DPP10: variants seen among roughly 807,000 people sequenced by gnomAD.
The protein encoded by DPP10 is inactive dipeptidyl peptidase 10.
A neutral mutation model predicts 120.9 loss-of-function variants in DPP10; 33 were observed. That is an observed-to-expected ratio of 0.27 (90% CI 0.21 to 0.37). The LOEUF is 0.37. Ranked by LOEUF, DPP10 falls within the 10% of genes least tolerant of loss-of-function variation. The pLI is 1.00. For missense variants in DPP10, 816 were observed against 942.8 expected, an observed-to-expected ratio of 0.87 and a Z score of 1.76; for synonymous variants, 337 against 326.1, an observed-to-expected ratio of 1.03 and a Z score of -0.36.
chr2:115,497,677 A>G (rs1474510063), intron 3 of DPP10, among the ~76,000 whole-genome samples: 1 of 152,070 alleles, frequency 6.6e-6, no homozygotes, highest in South Asian at 2.1e-4. Flanking sequence ...AAAAATTCAT[A>G]GAGGGAATAG....
chr2:114,801,015 G>A (rs1156316231), intron 1 of DPP10, among the ~76,000 whole-genome samples: 1 of 151,922 alleles, frequency 6.6e-6, no homozygotes, highest in African/African-American at 2.4e-5. Context: ...TGTAATCCCA[G>A]CACTTTGGGA....
intron 5 of DPP10, among the ~76,000 whole-genome samples, chr2:115,655,306 T>A (rs768787340): frequency 3.3e-5 from 5 of 151,642 alleles, no homozygotes; most frequent in Non-Finnish European, 5.9e-5. Flanking sequence ...GGAAAAAAAA[T>A]CATAGTATTC....
rs572009836 is a variant in DPP10 at position 115,823,257 on chromosome 2, T to C, written c.1950+7528T>C. Among the ~76,000 whole-genome samples the C allele has an allele frequency of 2.6e-5, 4 of 152,276 alleles. No individual in the cohort carries two copies. In the South Asian group the frequency reaches 6.2e-4, roughly 24 times the overall value. On this transcript the variant is annotated intron_variant, in intron 21 of 25. Coordinates refer to ENST00000410059, the MANE Select transcript of DPP10 (RefSeq NM_020868.6). Reference sequence around the variant, plus strand: ...ATGTATTATGTTTTATTTTTAATTGTGTATGCTGAATTGGGACCACACAAA... The same window carrying C: ...ATGTATTATGTTTTATTTTTAATTGCGTATGCTGAATTGGGACCACACAAA...
At chr2:115,495,362 TC>T (rs1198851422) in intron 3 of DPP10, among the ~76,000 whole-genome samples, 9 of 19,240 alleles carry the variant, frequency 4.7e-4, no homozygotes, top group African/African-American at 1.4e-3. Flanking sequence ...TCAGCCATTT[TC>T]TGAAAAAAAA....
chr2:114,546,527 C>A (rs1687413970), intron 1 of DPP10, among the ~76,000 whole-genome samples: 1 of 152,224 alleles, frequency 6.6e-6, no homozygotes, highest in Non-Finnish European at 1.5e-5. Context: ...ATTACTCATG[C>A]AGCCAAACAC....
At position 114,605,583 on chromosome 2, in the gene DPP10, T is replaced by A. The variant is rs559588354; in HGVS notation, c.60+162745T>A. Among the ~76,000 whole-genome samples, 10 of 152,252 alleles carry A rather than the reference T, an allele frequency of 6.6e-5. No individual in the cohort carries two copies. The South Asian group carries it at 1.0e-3, about 16-fold the overall frequency. On this transcript the variant is annotated intron_variant, in intron 1 of 25. Transcript: ENST00000410059. Reference sequence around the variant, plus strand: ...TATTGATAAGCTTTCCAGTCAGGGATAGGCTACTCGTAGTTAAGTTTTTGG... The same window carrying A: ...TATTGATAAGCTTTCCAGTCAGGGAAAGGCTACTCGTAGTTAAGTTTTTGG...
chr2:115,315,276 TACACAC>T (rs138469343), intron 2 of DPP10, among the ~76,000 whole-genome samples: 12 of 147,816 alleles, frequency 8.1e-5, no homozygotes, highest in Non-Finnish European at 1.5e-4. Context: ...CACACACACA[TACACAC>T]ACACACACAC....
intron 1 of DPP10, among the ~76,000 whole-genome samples, chr2:115,246,129 C>T (rs2058522125): frequency 6.6e-6 from 1 of 152,010 alleles, no homozygotes; most frequent in Non-Finnish European, 1.5e-5. Flanking sequence ...TCAAAGCCCA[C>T]CTCTCACTGT....
Position 115,233,834 on chromosome 2 carries a change from G to A in DPP10, c.61-75405G>A, listed in dbSNP as rs151050572. On this transcript the variant is annotated intron_variant, in intron 1 of 25. Coordinates refer to ENST00000410059, the MANE Select transcript of DPP10 (RefSeq NM_020868.6). The stretch of plus-strand genomic sequence containing the variant: ...CACTCACCTTTGCCACACCAAATGT[G>A]GGATGCAGGCTTTTCCCCATCTTCC... 164 of 460,882 alleles carry A rather than the reference G, an allele frequency of 3.6e-4. 1 individual carries two copies. In the East Asian group the frequency reaches 5.6e-3, roughly 16 times the overall value. The allele number at this position is 460,882 out of a possible 1,614,324, so 28.5% of individuals were successfully genotyped here.
At chr2:114,996,856 G>A (rs1175489924) in intron 1 of DPP10, among the ~76,000 whole-genome samples, 1 of 151,594 alleles carries the variant, frequency 6.6e-6, no homozygotes, top group Non-Finnish European at 1.5e-5. Flanking sequence ...GTGGCGCACA[G>A]CTGTACTCCC....
intron 1 of DPP10, among the ~76,000 whole-genome samples, chr2:114,459,917 G>A (rs1385973817): frequency 6.6e-6 from 1 of 152,116 alleles, no homozygotes; most frequent in African/African-American, 2.4e-5. Context: ...GCTATGGTCC[G>A]TGTGGTGACA....
At chr2:115,836,030 T>A in intron 21 of DPP10, 127 bp from the exon 22 acceptor site, 1 of 458,650 alleles carries the variant, frequency 2.2e-6, no homozygotes, top group Non-Finnish European at 3.5e-6. Context: ...TGATGTACAG[T>A]ACCAAACATT....
intron 1 of DPP10, among the ~76,000 whole-genome samples, chr2:114,927,007 G>A (rs1387581630): frequency 4.0e-5 from 6 of 151,730 alleles, no homozygotes; most frequent in Admixed American, 1.3e-4. Context: ...CCCCCACCAC[G>A]CCCAGCTAAT....
intron 3 of DPP10, among the ~76,000 whole-genome samples, chr2:115,423,918 A>G (rs913746126): frequency 6.6e-6 from 1 of 152,134 alleles, no homozygotes; most frequent in Non-Finnish European, 1.5e-5. Flanking sequence ...GAGAAAATCT[A>G]TAAATTGCAT....
At chr2:114,985,533 G>T (rs767078350) in intron 1 of DPP10, among the ~76,000 whole-genome samples, 1 of 152,148 alleles carries the variant, frequency 6.6e-6, no homozygotes, top group Non-Finnish European at 1.5e-5. Context: ...AAAATGCCTG[G>T]CATGTAGTAA....
chr2:114,923,074 T>C (rs1574492311), intron 1 of DPP10, among the ~76,000 whole-genome samples: 1 of 152,204 alleles, frequency 6.6e-6, no homozygotes, highest in South Asian at 2.1e-4. Context: ...CTCCCAAAAT[T>C]GGACTGTCTT....
chr2:114,645,951 G>A (rs916526280), intron 1 of DPP10, among the ~76,000 whole-genome samples: 1 of 152,086 alleles, frequency 6.6e-6, no homozygotes, highest in Non-Finnish European at 1.5e-5. Flanking sequence ...CATGAGGTCA[G>A]GAGTTTGAGA....
At chr2:114,525,086 G>C (rs1685390000) in intron 1 of DPP10, among the ~76,000 whole-genome samples, 1 of 152,122 alleles carries the variant, frequency 6.6e-6, no homozygotes, top group Non-Finnish European at 1.5e-5. Context: ...TCTACCCTTT[G>C]AGTTCTCCTT....
At chr2:115,322,812 T>G (rs1373176704) in intron 2 of DPP10, among the ~76,000 whole-genome samples, 1 of 152,234 alleles carries the variant, frequency 6.6e-6, no homozygotes, top group Non-Finnish European at 1.5e-5. Context: ...TTGTAGTTTA[T>G]TAAGTGTGCA....
Sources: gnomAD v4.1 joint callset for allele counts (sites outside exome capture counted in the v4.1 genomes callset) on GRCh38, gnomAD v4.1.1 for gene constraint, MANE v1.5 for transcripts, NCBI Gene and HGNC (gene_info 2026-07-23, HGNC 2026-07-21) for gene names.